Variants in CTNNA2 observed in about 807,000 individuals in gnomAD.
CTNNA2 encodes catenin alpha 2, also known as catenin alpha-2.
Under a neutral mutation model 101.0 loss-of-function variants are expected in CTNNA2, and 42 were observed. That is an observed-to-expected ratio of 0.42 (90% CI 0.32 to 0.54). CTNNA2 has a LOEUF of 0.54. Among genes scored for constraint, CTNNA2 ranks in the 20% least tolerant of loss-of-function variants. The pLI is 0.14. For missense variants in CTNNA2, 871 were observed against 1,223.1 expected (o/e 0.71, Z 4.29); for synonymous variants, 450 against 456.4 (o/e 0.99, Z 0.18).
intron 1 of CTNNA2, among the ~76,000 whole-genome samples, chr2:79,529,642 CG>C (rs1672622965): frequency 6.6e-6 from 1 of 151,600 alleles, no homozygotes; most frequent in African/African-American, 2.4e-5. Flanking sequence ...AGAGAGGAAT[CG>C]TATGAGGGTA....
chr2:80,579,767 G>T (rs1487301400), intron 13 of CTNNA2, among the ~76,000 whole-genome samples: 1 of 152,200 alleles, frequency 6.6e-6, no homozygotes, highest in Non-Finnish European at 1.5e-5. Flanking sequence ...TGGCACGAAG[G>T]ACCCCATTTT....
At chr2:80,209,323 T>G (rs973015440) in intron 7 of CTNNA2, among the ~76,000 whole-genome samples, 1 of 151,606 alleles carries the variant, frequency 6.6e-6, no homozygotes, top group Non-Finnish European at 1.5e-5. Flanking sequence ...TGCCTCAGCC[T>G]CCTGACTACC....
intron 9 of CTNNA2, among the ~76,000 whole-genome samples, chr2:80,442,160 A>C (rs1236830962): frequency 6.6e-6 from 1 of 152,230 alleles, no homozygotes; most frequent in Non-Finnish European, 1.5e-5. Flanking sequence ...TCCACTGATT[A>C]GCCCATATCT....
intron 2 of CTNNA2, among the ~76,000 whole-genome samples, chr2:79,198,987 A>C (rs771921610): frequency 6.6e-6 from 1 of 152,238 alleles, no homozygotes; most frequent in Non-Finnish European, 1.5e-5. Context: ...TGCAATGAGT[A>C]TACAAATGGA....
intron 6 of CTNNA2, among the ~76,000 whole-genome samples, chr2:79,898,888 C>A (rs1189767249): frequency 6.6e-6 from 1 of 151,998 alleles, no homozygotes; most frequent in Non-Finnish European, 1.5e-5. Flanking sequence ...TAGTTGAGCC[C>A]TCTAAGAAAG....
chr2:80,126,267 G>C lies in CTNNA2; in HGVS notation c.1056+216470G>C, dbSNP rs527691244. 2.0e-5 allele frequency among the ~76,000 whole-genome samples: 3 copies of C among 152,242 alleles called. No homozygotes were observed. In the East Asian group the frequency reaches 5.8e-4, roughly 30 times the overall value. On this transcript the variant is annotated intron_variant, in intron 7 of 18. Transcript: ENST00000402739. ...TGGGAGCTCAGCATCACAAGTGTTAGATTGGGTGGATGGTTATAGACATAG... is the reference window on the plus strand; with the variant it reads ...TGGGAGCTCAGCATCACAAGTGTTACATTGGGTGGATGGTTATAGACATAG...
intron 7 of CTNNA2, among the ~76,000 whole-genome samples, chr2:79,923,984 A>G (rs529507915): frequency 6.6e-6 from 1 of 152,306 alleles, no homozygotes; most frequent in South Asian, 2.1e-4. Context: ...AAGTAATTGA[A>G]ATCAGTATGT....
intron 4 of CTNNA2, among the ~76,000 whole-genome samples, chr2:79,860,548 T>TTTTTTTTTTG (rs1553385365): frequency 6.8e-6 from 1 of 147,130 alleles, no homozygotes; most frequent in East Asian, 2.0e-4. Context: ...TAAGGGAAGT[T>TTTTTTTTTTG]TTTTTTTTTT....
At chr2:79,211,003 T>C (rs1397929288) in intron 2 of CTNNA2, among the ~76,000 whole-genome samples, 1 of 152,154 alleles carries the variant, frequency 6.6e-6, no homozygotes. Flanking sequence ...AGGCTCTGCT[T>C]CCACTTCCTG....
At position 80,027,543 on chromosome 2, in the gene CTNNA2, A is replaced by G. The variant is rs372719552; in HGVS notation, c.1056+117746A>G. ...AAGACGAAGTGAGGAGATTAGATAG[A>G]TGCCAATTTTACCAGCTCCGGCAAG... On this transcript the variant is annotated intron_variant, in intron 7 of 18. Coordinates refer to ENST00000402739, the MANE Select transcript of CTNNA2 (RefSeq NM_001282597.3). Among the ~76,000 whole-genome samples the G allele has an allele frequency of 1.1e-4, 17 of 152,308 alleles. 1 individual carries two copies. Among genetic ancestry groups the G allele is most frequent in the Admixed American group, 1.0e-3 (16 of 15,304 alleles).
chr2:80,632,588 A>T (rs1470888022), intron 18 of CTNNA2, among the ~76,000 whole-genome samples: 1 of 152,164 alleles, frequency 6.6e-6, no homozygotes, highest in Non-Finnish European at 1.5e-5. Flanking sequence ...AGGCTACCCC[A>T]CGAGTACTTC....
chr2:79,547,697 A>C (rs555655462), intron 1 of CTNNA2: 3 of 152,338 alleles, frequency 2.0e-5, no homozygotes, highest in Admixed American at 6.5e-5. Context: ...TCTGTCTGAA[A>C]GATTTTCCAA....
intron 7 of CTNNA2, among the ~76,000 whole-genome samples, chr2:79,931,713 C>T (rs182666094): frequency 1.5e-3 from 232 of 152,218 alleles, no homozygotes; most frequent in African/African-American, 5.2e-3. Flanking sequence ...TGGGAAGCCT[C>T]GTTTCACCTT....
chr2:79,643,267 C>G (rs1263693328), intron 1 of CTNNA2, among the ~76,000 whole-genome samples: 1 of 152,078 alleles, frequency 6.6e-6, no homozygotes, highest in Non-Finnish European at 1.5e-5. Flanking sequence ...TTTATGGTCC[C>G]CAAATAAAGA....
At chr2:79,606,446 T>C (rs1217901039) in intron 1 of CTNNA2, among the ~76,000 whole-genome samples, 1 of 152,074 alleles carries the variant, frequency 6.6e-6, no homozygotes, top group Non-Finnish European at 1.5e-5. Flanking sequence ...TTTTTTGTAT[T>C]TTTGGTAGAG....
intron 1 of CTNNA2, among the ~76,000 whole-genome samples, chr2:79,571,333 A>G (rs2103823115): frequency 6.6e-6 from 1 of 152,280 alleles, no homozygotes; most frequent in Non-Finnish European, 1.5e-5. Flanking sequence ...ATAATTTCAG[A>G]ACAGGAAAGG....
At chr2:80,475,339 A>G (rs1055867499) in intron 9 of CTNNA2, among the ~76,000 whole-genome samples, 4 of 152,314 alleles carry the variant, frequency 2.6e-5, no homozygotes, top group East Asian at 1.9e-4. Flanking sequence ...CTGTTGGTCC[A>G]TGTAATACAC....
chr2:79,997,432 A>G (rs1379934561), intron 7 of CTNNA2, among the ~76,000 whole-genome samples: 1 of 152,150 alleles, frequency 6.6e-6, no homozygotes, highest in Non-Finnish European at 1.5e-5. Flanking sequence ...AGGAGAAAAG[A>G]GAAAGAAAAG....
chr2:79,792,862 G>A (rs1208462202), intron 3 of CTNNA2, among the ~76,000 whole-genome samples: 1 of 152,110 alleles, frequency 6.6e-6, no homozygotes, highest in African/African-American at 2.4e-5. Context: ...ACGTATATAT[G>A]CAAAATATTT....
Sources: allele counts gnomAD v4.1 joint callset (sites outside exome capture counted in the v4.1 genomes callset), GRCh38; gene constraint gnomAD v4.1.1; transcripts MANE v1.5; gene names NCBI Gene and HGNC (gene_info 2026-07-23, HGNC 2026-07-21).